APPL2: variants seen among roughly 807,000 people sequenced by gnomAD.
APPL2 encodes adaptor protein, phosphotyrosine interacting with PH domain and leucine zipper 2.
APPL2 carries 84 observed loss-of-function variants against 92.7 expected under a neutral mutation model. The ratio of observed to expected loss-of-function variants is 0.91; its 90% CI spans 0.76 to 1.09. The LOEUF (loss-of-function observed/expected upper bound fraction) is 1.09. Among genes scored for constraint, APPL2 ranks in the 50% least tolerant of loss-of-function variants. The pLI is 0.00. For missense variants in APPL2, 736 were observed against 824.5 expected (o/e 0.89, Z 1.31); for synonymous variants, 291 against 291.0 (o/e 1.00, Z 0.00).
intron 2 of APPL2, among the ~76,000 whole-genome samples, chr12:105,227,777 A>G (rs928861125): frequency 4.6e-5 from 7 of 152,324 alleles, no homozygotes; most frequent in African/African-American, 1.7e-4. Flanking sequence ...TCTCACCATC[A>G]GAATCCTTAA....
In APPL2 at chr12:105,177,164, A is replaced by C. The variant is rs766506811; in HGVS notation, c.1671+62T>G. ...TTAATAAAGTGCCTAGGCTGTGTTTAAGGTAGATACAAAGGTGAATTAAGG... is the reference window on the plus strand; with the variant it reads ...TTAATAAAGTGCCTAGGCTGTGTTTCAGGTAGATACAAAGGTGAATTAAGG... On this transcript the variant is annotated intron_variant, in intron 18 of 20. Transcript: ENST00000258530. The C allele has an allele frequency of 5.0e-6, 8 of 1,601,554 alleles. No homozygotes were observed. The African/African-American group carries it at 1.1e-4, about 21-fold the overall frequency.
In APPL2 at chr12:105,211,274, G is replaced by C. The variant is rs1889193003; in HGVS notation, c.329C>G (p.Thr110Arg). 6.2e-7 allele frequency: 1 copy of C among 1,613,892 alleles called. No individual in the cohort carries two copies. Among genetic ancestry groups the C allele is most frequent in the African/African-American group, 1.3e-5 (1 of 74,918 alleles). ...GAATTGTATGATAGGTAGAACCATT[G>C]TGTCTGCCAACTGTTTAGCCAGCTC... ...HTELAKQLAD[T>R]MVLPIIQFRE... The change falls in exon 5 of 21, where the codon ACA becomes AGA. Residue 110 changes from threonine to arginine, a missense_variant. Coordinates refer to ENST00000258530, the MANE Select transcript of APPL2 (RefSeq NM_018171.5).
At chr12:105,226,603 GAC>G (rs1449839098) in intron 2 of APPL2, among the ~76,000 whole-genome samples, 5 of 152,216 alleles carry the variant, frequency 3.3e-5, no homozygotes, top group Admixed American at 2.6e-4. Context: ...GAGTGACAGA[GAC>G]ACAGTCTCTC....
chr12:105,231,872 C>T (rs1242176966), intron 1 of APPL2, among the ~76,000 whole-genome samples: 1 of 152,210 alleles, frequency 6.6e-6, no homozygotes, highest in Non-Finnish European at 1.5e-5. Context: ...CACTGGCTAT[C>T]CTCATTTACT....
intron 2 of APPL2, 147 bp downstream of exon 2, chr12:105,228,978 G>GAAA (rs1890722662): frequency 1.5e-6 from 1 of 681,704 alleles, no homozygotes; most frequent in Admixed American, 3.1e-5. Context: ...TTTTTGAGGT[G>GAAA]AAAAGTAGTG....
At chr12:105,202,344 T>C (rs531391737) in intron 9 of APPL2, among the ~76,000 whole-genome samples, 8 of 152,192 alleles carry the variant, frequency 5.3e-5, no homozygotes, top group East Asian at 3.9e-4. Flanking sequence ...TAATGGTTAA[T>C]GGAAATGCTG....
At chr12:105,200,894 ATCTATCTATCC>A (rs1888136798) in intron 9 of APPL2, among the ~76,000 whole-genome samples, 1 of 141,340 alleles carries the variant, frequency 7.1e-6, no homozygotes, top group African/African-American at 2.7e-5. Context: ...CTATCTATCT[ATCTATCTATCC>A]TATCTATCTA....
chr12:105,235,537 T>A (rs61336075), intron 1 of APPL2, among the ~76,000 whole-genome samples: 3,505 of 152,272 alleles, frequency 0.023, 113 homozygotes, highest in African/African-American at 0.066. Flanking sequence ...GCTGACAACT[T>A]TACAGGTATT....
intron 11 of APPL2, among the ~76,000 whole-genome samples, 153 bp from the exon 12 acceptor site, chr12:105,195,780 T>C (rs1887587498): frequency 6.6e-6 from 1 of 152,078 alleles, no homozygotes; most frequent in Non-Finnish European, 1.5e-5. Context: ...CAGGGCCAGG[T>C]GCAGTGGCTC....
At chr12:105,232,031 CACTT>C (rs1271164504) in intron 1 of APPL2, among the ~76,000 whole-genome samples, 1 of 152,242 alleles carries the variant, frequency 6.6e-6, no homozygotes, top group Non-Finnish European at 1.5e-5. Context: ...TGGTATATCT[CACTT>C]ACAAAGATAA....
intron 14 of APPL2, 29 bp downstream of exon 14, chr12:105,195,232 A>C (rs1887536458): frequency 1.2e-6 from 2 of 1,609,394 alleles, no homozygotes; most frequent in East Asian, 4.5e-5. Context: ...GGCTCCACAA[A>C]AGCTAGTTTT....
At chr12:105,215,455 C>T (rs949292565) in intron 4 of APPL2, among the ~76,000 whole-genome samples, 2 of 152,086 alleles carry the variant, frequency 1.3e-5, no homozygotes, top group African/African-American at 4.8e-5. Context: ...GGACAAAGCC[C>T]AATAAAAATC....
chr12:105,188,668 G>A (rs761660377), intron 16 of APPL2, among the ~76,000 whole-genome samples: 8 of 152,170 alleles, frequency 5.3e-5, no homozygotes, highest in Non-Finnish European at 4.4e-5. Flanking sequence ...GACTAGAAAG[G>A]CTTTTCTTCA....
intron 2 of APPL2, among the ~76,000 whole-genome samples, chr12:105,220,784 T>G (rs1321156244): frequency 6.6e-6 from 1 of 152,224 alleles, no homozygotes; most frequent in Non-Finnish European, 1.5e-5. Context: ...AGCACTCATG[T>G]GCCACTCACA....
intron 4 of APPL2, among the ~76,000 whole-genome samples, chr12:105,214,484 C>A (rs180821110): frequency 2.0e-4 from 30 of 152,358 alleles, no homozygotes; most frequent in Admixed American, 1.8e-3. Context: ...ATAATCACAT[C>A]TTCTATGTAT....
chr12:105,184,555 C>G (rs1324747696), intron 17 of APPL2, among the ~76,000 whole-genome samples: 1 of 152,228 alleles, frequency 6.6e-6, no homozygotes, highest in Non-Finnish European at 1.5e-5. Flanking sequence ...ACACTCCGGA[C>G]TCTCTTTGCC....
chr12:105,231,559 T>G (rs893529214), intron 1 of APPL2, among the ~76,000 whole-genome samples: 2 of 152,176 alleles, frequency 1.3e-5, no homozygotes, highest in South Asian at 2.1e-4. Flanking sequence ...AGGGCTGGGA[T>G]GTAAATGGGT....
intron 5 of APPL2, 72 bp downstream of exon 5, chr12:105,211,158 G>T: frequency 9.3e-7 from 1 of 1,069,916 alleles, no homozygotes; most frequent in Middle Eastern, 2.1e-4. Context: ...TGAAAGAAAT[G>T]CAGTAAGAAT....
intron 4 of APPL2, among the ~76,000 whole-genome samples, chr12:105,216,571 T>TG (rs1349551028): frequency 6.6e-6 from 1 of 151,668 alleles, no homozygotes; most frequent in African/African-American, 2.4e-5. Context: ...AGGAAAAACA[T>TG]GGGGGGTAGA....
Sources: allele counts gnomAD v4.1 joint callset (sites outside exome capture counted in the v4.1 genomes callset), GRCh38; gene constraint gnomAD v4.1.1; transcripts MANE v1.5; gene names NCBI Gene and HGNC (gene_info 2026-07-23, HGNC 2026-07-21).